The following TSNARE1 variants were observed in gnomAD, a reference collection of about 807,000 sequenced individuals.
TSNARE1 encodes the protein t-SNARE domain-containing protein 1.
In TSNARE1, 49 loss-of-function variants were observed where a neutral mutation model predicts 62.0. The observed-to-expected ratio is 0.79, with a 90% confidence interval of 0.63 to 1.00. The LOEUF is 1.00. Among genes scored for constraint, TSNARE1 ranks in the 50% least tolerant of loss-of-function variants. TSNARE1 has a pLI of 0.00. For synonymous variants in TSNARE1, 328 were observed against 294.4 expected (o/e 1.11, Z -1.17); for missense variants, 755 against 700.1 (o/e 1.08, Z -0.88).
intron 10 of TSNARE1, among the ~76,000 whole-genome samples, chr8:142,286,196 G>A (rs576393369): frequency 3.3e-5 from 5 of 152,232 alleles, no homozygotes; most frequent in East Asian, 3.9e-4. Context: ...CTCACATAGC[G>A]CCTGGCACAT....
intron 2 of TSNARE1, among the ~76,000 whole-genome samples, chr8:142,349,676 G>A (rs1461471748): frequency 1.3e-5 from 2 of 152,208 alleles, no homozygotes; most frequent in Admixed American, 6.5e-5. Context: ...GAAAGGGGAC[G>A]TGGTTGAGAT....
At chr8:142,246,565 G>C (rs1817891719) in intron 12 of TSNARE1, among the ~76,000 whole-genome samples, 1 of 152,186 alleles carries the variant, frequency 6.6e-6, no homozygotes, top group South Asian at 2.1e-4. Context: ...GTTGGGTCTT[G>C]GACTTAGGGT....
chr8:142,212,177 C>T lies in TSNARE1; in HGVS notation c.*148G>A, dbSNP rs529608148. On this transcript the variant is annotated 3_prime_UTR_variant, in exon 14 of 14. Transcript: ENST00000524325. Reference sequence around the variant, plus strand: ...GAGGACAGCAGGCAGCTGTGAAGCTCTCGGGTCCATTGCAGGCCAAGTGAC... The same window carrying T: ...GAGGACAGCAGGCAGCTGTGAAGCTTTCGGGTCCATTGCAGGCCAAGTGAC... The T allele has an allele frequency of 5.2e-5, 8 of 152,582 alleles. No individual in the cohort carries two copies. The highest frequency in any genetic ancestry group is 1.4e-4 in the African/African-American group (6 of 41,564). 9.5% of individuals were successfully genotyped at this position (152,582 alleles called of 1,614,324 possible).
chr8:142,308,295 G>C (rs1207664944), intron 9 of TSNARE1, among the ~76,000 whole-genome samples: 1 of 152,156 alleles, frequency 6.6e-6, no homozygotes, highest in Non-Finnish European at 1.5e-5. Flanking sequence ...GAAGGCGTCG[G>C]GGAGCCTCCC....
intron 10 of TSNARE1, among the ~76,000 whole-genome samples, chr8:142,286,142 C>T (rs1348775467): frequency 6.6e-6 from 1 of 152,198 alleles, no homozygotes; most frequent in East Asian, 1.9e-4. Flanking sequence ...CTGGCCACCT[C>T]AAGCCAGGTT....
chr8:142,222,443 TTCAC>T (rs1276712214), intron 13 of TSNARE1, among the ~76,000 whole-genome samples: 1 of 125,636 alleles, frequency 8.0e-6, no homozygotes, highest in African/African-American at 3.1e-5. Flanking sequence ...CATCCACTAA[TTCAC>T]TCACTCACTC....
intron 11 of TSNARE1, among the ~76,000 whole-genome samples, chr8:142,281,716 G>A (rs995270629): frequency 6.6e-6 from 1 of 152,046 alleles, no homozygotes. Context: ...GTGGCCCAGG[G>A]TGGGTGAGCA....
At chr8:142,348,127 A>G (rs1833620650) in intron 2 of TSNARE1, among the ~76,000 whole-genome samples, 1 of 152,240 alleles carries the variant, frequency 6.6e-6, no homozygotes, top group African/African-American at 2.4e-5. Flanking sequence ...TAAAAAAATA[A>G]AGATCACAAC....
At chr8:142,382,343 C>T (rs964069669) in intron 1 of TSNARE1, among the ~76,000 whole-genome samples, 6 of 152,206 alleles carry the variant, frequency 3.9e-5, no homozygotes, top group Admixed American at 1.3e-4. Context: ...CACAAATGGG[C>T]GGTCAGAACA....
At chr8:142,375,494 T>C (rs1213930222) in intron 1 of TSNARE1, among the ~76,000 whole-genome samples, 1 of 152,294 alleles carries the variant, frequency 6.6e-6, no homozygotes, top group East Asian at 1.9e-4. Flanking sequence ...GCCCTGGGGC[T>C]GGGCGCCAGC....
intron 4 of TSNARE1, among the ~76,000 whole-genome samples, chr8:142,340,110 T>A (rs1223399909): frequency 6.6e-6 from 1 of 152,044 alleles, no homozygotes; most frequent in Non-Finnish European, 1.5e-5. Flanking sequence ...GCGGACGGCA[T>A]CAGGAAGGAG....
intron 1 of TSNARE1, among the ~76,000 whole-genome samples, chr8:142,356,785 A>C (rs1367913937): frequency 6.6e-6 from 1 of 152,156 alleles, no homozygotes; most frequent in Non-Finnish European, 1.5e-5. Flanking sequence ...TGGAGAGGTG[A>C]GGTAACTTGC....
intron 11 of TSNARE1, chr8:142,280,085 CG>C (rs1821162624): frequency 8.3e-7 from 1 of 1,199,832 alleles, no homozygotes; most frequent in Non-Finnish European, 1.0e-6. Context: ...CGGCTCCACA[CG>C]CGGTGCTTTC....
rs1563755395 is a variant in TSNARE1 at position 142,222,541 on chromosome 8, CATT to C, written c.*11+6929_*11+6931del. 5.0e-3 allele frequency among the ~76,000 whole-genome samples: 390 copies of C among 77,234 alleles called. 2 individuals carry two copies. The highest frequency in any genetic ancestry group is 5.3e-3 in the Non-Finnish European group (205 of 38,572). The allele number at this position is 77,234 out of a possible 152,430, so 50.7% of individuals were successfully genotyped here. ...TCACTCATCCACTCACTCACTCACT[CATT>C]CACTCACTCACTCACTCATTCACTC... is the stretch of plus-strand genomic sequence containing the variant. On this transcript the variant is annotated intron_variant, in intron 13 of 13. Transcript: ENST00000524325.
intron 12 of TSNARE1, among the ~76,000 whole-genome samples, chr8:142,257,285 G>A (rs1478948134): frequency 6.6e-6 from 1 of 152,206 alleles, no homozygotes; most frequent in African/African-American, 2.4e-5. Flanking sequence ...CAAAGATGGA[G>A]GGGCAGATTG....
At chr8:142,218,066 G>C (rs1017052061) in intron 13 of TSNARE1, among the ~76,000 whole-genome samples, 4 of 78,248 alleles carry the variant, frequency 5.1e-5, no homozygotes, top group Non-Finnish European at 7.8e-5. Context: ...CAGAGTGTGA[G>C]CAGGATCAGG....
intron 9 of TSNARE1, among the ~76,000 whole-genome samples, chr8:142,303,692 A>C (rs1332148537): frequency 6.6e-6 from 1 of 152,250 alleles, no homozygotes; most frequent in East Asian, 1.9e-4. Context: ...TTCTGGCAGA[A>C]GCCACCCCAG....
intron 12 of TSNARE1, among the ~76,000 whole-genome samples, chr8:142,235,773 T>C (rs139440894): frequency 6.6e-6 from 1 of 152,316 alleles, no homozygotes; most frequent in Non-Finnish European, 1.5e-5. Flanking sequence ...GCACATGGCG[T>C]TGGGTCCACT....
At chr8:142,278,106 G>A in intron 11 of TSNARE1, 1 of 985,302 alleles carries the variant, frequency 1.0e-6, no homozygotes, top group Non-Finnish European at 1.2e-6. Context: ...CCCATCAGGA[G>A]GCCCACTGAC....
Sources: allele counts gnomAD v4.1 joint callset (sites outside exome capture counted in the v4.1 genomes callset), GRCh38; gene constraint gnomAD v4.1.1; transcripts MANE v1.5; gene names NCBI Gene and HGNC (gene_info 2026-07-23, HGNC 2026-07-21).